The following PDE4D variants were observed in gnomAD, a reference collection of about 807,000 sequenced individuals.
PDE4D encodes phosphodiesterase 4D, also known as 3',5'-cyclic-AMP phosphodiesterase 4D.
Under a neutral mutation model 87.4 loss-of-function variants are expected in PDE4D, and 24 were observed. The observed-to-expected ratio is 0.27, with a 90% CI of 0.20 to 0.39. PDE4D has a LOEUF of 0.39. Ranked by LOEUF, PDE4D falls within the 10% of genes least tolerant of loss-of-function variation. PDE4D has a pLI of 1.00. For synonymous variants in PDE4D, 384 were observed against 383.2 expected, an observed-to-expected ratio of 1.00 and a Z score of -0.02; for missense variants, 714 against 1,041.0, an observed-to-expected ratio of 0.69 and a Z score of 4.32.
chr5:59,027,911 G>A (rs1361370170), intron 6 of PDE4D, among the ~76,000 whole-genome samples: 2 of 151,866 alleles, frequency 1.3e-5, no homozygotes, highest in East Asian at 1.9e-4. Flanking sequence ...GGCTGATAGA[G>A]CAAGGAAATA....
chr5:59,563,173 T>C (rs369534947), intron 1 of PDE4D, among the ~76,000 whole-genome samples: 1 of 152,176 alleles, frequency 6.6e-6, no homozygotes, highest in Non-Finnish European at 1.5e-5. Context: ...GTGTCAGACA[T>C]GCTGCTGAGC....
intron 2 of PDE4D, among the ~76,000 whole-genome samples, chr5:60,133,508 T>C (rs1316927077): frequency 6.6e-6 from 1 of 151,970 alleles, no homozygotes; most frequent in Admixed American, 6.6e-5. Flanking sequence ...AAAACCTAAA[T>C]TGTATTATCT....
At chr5:59,559,076 GGCTCTGT>G (rs1293271928) in intron 1 of PDE4D, among the ~76,000 whole-genome samples, 3 of 151,882 alleles carry the variant, frequency 2.0e-5, no homozygotes, top group Non-Finnish European at 4.4e-5. Context: ...ATCAAATTAT[GGCTCTGT>G]GCTCTGTGGT....
intron 1 of PDE4D, among the ~76,000 whole-genome samples, chr5:59,529,689 T>C (rs1414496561): frequency 1.3e-5 from 2 of 152,182 alleles, no homozygotes; most frequent in African/African-American, 4.8e-5. Context: ...TTTAAAAATA[T>C]GTTGACCAAT....
chr5:59,499,523 C>T (rs1807885476), intron 1 of PDE4D, among the ~76,000 whole-genome samples: 1 of 151,830 alleles, frequency 6.6e-6, no homozygotes, highest in South Asian at 2.1e-4. Context: ...GATTGATATA[C>T]TGCTAGCTAG....
intron 2 of PDE4D, among the ~76,000 whole-genome samples, chr5:60,111,609 A>G (rs1015870798): frequency 2.6e-5 from 4 of 151,998 alleles, no homozygotes; most frequent in African/African-American, 9.7e-5. Context: ...CATTTAACTA[A>G]TTAGCATAAG....
At chr5:59,813,511 G>A (rs540229854) in intron 1 of PDE4D, among the ~76,000 whole-genome samples, 18 of 151,606 alleles carry the variant, frequency 1.2e-4, no homozygotes, top group Middle Eastern at 3.4e-3. Flanking sequence ...CCTTTCCCCC[G>A]GGGAATTAAA....
intron 1 of PDE4D, among the ~76,000 whole-genome samples, chr5:59,417,823 C>T (rs1452115997): frequency 6.6e-6 from 1 of 152,202 alleles, no homozygotes; most frequent in African/African-American, 2.4e-5. Flanking sequence ...TAGGGCAGAT[C>T]AGTCCATCAC....
chr5:60,506,779 CAT>C (rs1692503340), intron 1 of PDE4D, among the ~76,000 whole-genome samples: 1 of 152,004 alleles, frequency 6.6e-6, no homozygotes, highest in Non-Finnish European at 1.5e-5. Flanking sequence ...AATGATGAGA[CAT>C]TTTAAAATGT....
chr5:59,599,554 A>T (rs1255487157), intron 1 of PDE4D, among the ~76,000 whole-genome samples: 1 of 152,182 alleles, frequency 6.6e-6, no homozygotes, highest in Non-Finnish European at 1.5e-5. Flanking sequence ...AACTTTATTT[A>T]TAAAGAACAT....
At chr5:60,441,329 C>G (rs1031123083) in intron 1 of PDE4D, among the ~76,000 whole-genome samples, 1 of 152,096 alleles carries the variant, frequency 6.6e-6, no homozygotes, top group Non-Finnish European at 1.5e-5. Context: ...CAAAAACAAG[C>G]AATGGGGAAA....
At chr5:60,146,927 T>C (rs1007232487) in intron 2 of PDE4D, among the ~76,000 whole-genome samples, 1 of 152,144 alleles carries the variant, frequency 6.6e-6, no homozygotes, top group Non-Finnish European at 1.5e-5. Flanking sequence ...TATCACCTCA[T>C]ACCTGTTGAA....
chr5:59,242,933 T>C (rs919007928), intron 1 of PDE4D, among the ~76,000 whole-genome samples: 2 of 152,186 alleles, frequency 1.3e-5, no homozygotes, highest in Admixed American at 6.6e-5. Flanking sequence ...TTGCTAAAAA[T>C]GATTAGCTCT....
intron 1 of PDE4D, among the ~76,000 whole-genome samples, chr5:60,376,681 G>T (rs1054724162): frequency 2.0e-5 from 3 of 152,200 alleles, no homozygotes; most frequent in East Asian, 1.9e-4. Context: ...GGCATCTCTG[G>T]TCCTTCCCTC....
At chr5:60,476,351 T>C (rs1339976045) in intron 1 of PDE4D, among the ~76,000 whole-genome samples, 1 of 152,146 alleles carries the variant, frequency 6.6e-6, no homozygotes, top group African/African-American at 2.4e-5. Flanking sequence ...CTTCTTTAAA[T>C]GAAACACATT....
At chr5:60,048,122 G>C (rs1769545298) in intron 2 of PDE4D, among the ~76,000 whole-genome samples, 1 of 151,696 alleles carries the variant, frequency 6.6e-6, no homozygotes. Context: ...TTATGTAATG[G>C]CCTTCTTTGT....
chr5:59,122,014 C>T (rs1774591480), intron 5 of PDE4D, among the ~76,000 whole-genome samples: 1 of 151,672 alleles, frequency 6.6e-6, no homozygotes, highest in Non-Finnish European at 1.5e-5. Flanking sequence ...TGGTGGCACT[C>T]GCCTGTAGTC....
intron 5 of PDE4D, among the ~76,000 whole-genome samples, chr5:59,055,434 C>T (rs936228674): frequency 2.0e-5 from 3 of 152,170 alleles, no homozygotes; most frequent in South Asian, 2.1e-4. Context: ...AATCTACCTC[C>T]TTAGACTTGT....
At chr5:60,148,822 GA>G (rs755749297) in intron 2 of PDE4D, among the ~76,000 whole-genome samples, 1 of 152,120 alleles carries the variant, frequency 6.6e-6, no homozygotes, top group Non-Finnish European at 1.5e-5. Flanking sequence ...AAAGAGTTTT[GA>G]ATAGAACATG....
Sources: gnomAD v4.1 joint callset for allele counts (sites outside exome capture counted in the v4.1 genomes callset) on GRCh38, gnomAD v4.1.1 for gene constraint, MANE v1.5 for transcripts, NCBI Gene and HGNC (gene_info 2026-07-23, HGNC 2026-07-21) for gene names.